CD1E: variants seen among roughly 807,000 people sequenced by gnomAD.
CD1E encodes CD1e molecule.
In CD1E, 49 loss-of-function variants were observed where a neutral mutation model predicts 40.1. The ratio of observed to expected loss-of-function variants is 1.22; its 90% CI spans 0.97 to 1.55. The LOEUF is 1.55. CD1E is among the 40% of genes most tolerant of loss of function. CD1E has a pLI of 0.00. For synonymous variants in CD1E, 189 were observed against 178.3 expected, an observed-to-expected ratio of 1.06 and a Z score of -0.48; for missense variants, 492 against 471.3, an observed-to-expected ratio of 1.04 and a Z score of -0.41.
At chr1:158,356,138 A>G (rs1266756512) in intron 4 of CD1E, 33 bp downstream of exon 4, 1 of 1,611,026 alleles carries the variant, frequency 6.2e-7, no homozygotes, top group Admixed American at 1.7e-5. Context: ...CTGGGAAATA[A>G]TGAAAATAGC....
intron 1 of CD1E, 93 bp downstream of exon 1, chr1:158,354,139 T>G (rs892733290): frequency 1.8e-6 from 2 of 1,100,222 alleles, no homozygotes; most frequent in Non-Finnish European, 2.8e-6. Context: ...GGAGCAGTAC[T>G]CTTCTAGGAT....
Position 158,354,462 on chromosome 1 carries a change from C to T in CD1E, c.144C>T (p.His48=). The part of the protein sequence containing the change: ...RMLQTSSFAN[H]SWAHSEGSGW... ...TCCAAACTTCCTCCTTTGCCAACCA[C>T]AGCTGGGCACACAGTGAGGGCTCAG... The change falls in exon 2 of 6, where the codon CAC becomes CAT. Residue 48 remains histidine, a synonymous_variant. Transcript: ENST00000368167. The T allele has an allele frequency of 6.2e-7, 1 of 1,614,116 alleles. No individual in the cohort carries two copies. The highest frequency in any genetic ancestry group is 8.5e-7 in the Non-Finnish European group (1 of 1,179,998).
rs1014042393 is a variant in CD1E, at chr1:158,354,786, A to C, written c.355+113A>C. 22 of 881,616 alleles carry C rather than the reference A, an allele frequency of 2.5e-5. 1 individual carries two copies. In the Middle Eastern group the frequency reaches 8.3e-4, roughly 33 times the overall value. 54.6% of individuals were successfully genotyped at this position (881,616 alleles called of 1,614,324 possible). A position where few individuals can be genotyped will look rare whatever the true frequency, so the allele number is the denominator to read the frequency against. ...TTTAACCTTACTAACCTTGTTCCCC[A>C]CTCTCTGACTCCCACTCCCTCCTCT... On this transcript the variant is annotated intron_variant, in intron 2 of 5. Transcript: ENST00000368167.
In CD1E at chr1:158,354,374, C is replaced by T. The variant is rs1653348853; in HGVS notation, c.59-3C>T. 1 of 1,583,394 alleles carries T rather than the reference C, an allele frequency of 6.3e-7. No homozygotes were observed. Among genetic ancestry groups the T allele is most frequent in the East Asian group, 2.2e-5 (1 of 44,542 alleles). ...CTCTACTTGTCATTTCCCTCTCTCT[C>T]AGCTCCCCAGGCTCTACAATCCTAT... On this transcript the variant is annotated splice_polypyrimidine_tract_variant and splice_region_variant and intron_variant, in intron 1 of 5. Coordinates refer to ENST00000368167, the MANE Select transcript of CD1E (RefSeq NM_030893.4).
rs150649106 is a variant in CD1E at position 158,355,948 on chromosome 1, G to T, written c.747G>T (p.Gln249His). The T allele has an allele frequency of 1.9e-6, 3 of 1,614,158 alleles. No homozygotes were observed. The highest frequency in any genetic ancestry group is 2.5e-6 in the Non-Finnish European group (3 of 1,180,046). ...PVWVMWMRGEQEQRGTQRGDV... is the reference protein window; with the variant it reads ...PVWVMWMRGEHEQRGTQRGDV... ...GGGTGATGTGGATGCGGGGTGAGCAGGAGCAGCGGGGCACTCAGCGAGGGG... is the reference window on the plus strand; with the variant it reads ...GGGTGATGTGGATGCGGGGTGAGCATGAGCAGCGGGGCACTCAGCGAGGGG... The change falls in exon 4 of 6, where the codon CAG becomes CAT. Residue 249 changes from glutamine to histidine, a missense_variant. Transcript: ENST00000368167.
chr1:158,354,799 C>T (rs1338386943), intron 2 of CD1E, 126 bp downstream of exon 2: 1 of 794,266 alleles, frequency 1.3e-6, no homozygotes, highest in Non-Finnish European at 2.0e-6. Flanking sequence ...CTCTGACTCC[C>T]ACTCCCTCCT....
At chr1:158,354,132 G>A (rs1653311559) in intron 1 of CD1E, 86 bp downstream of exon 1, 3 of 1,189,616 alleles carry the variant, frequency 2.5e-6, no homozygotes, top group East Asian at 2.3e-5. Flanking sequence ...GGGGAAGGGA[G>A]CAGTACTCTT....
In CD1E at chr1:158,356,724, A is replaced by G; in HGVS notation, c.999-4A>G. On this transcript the variant is annotated splice_region_variant and splice_polypyrimidine_tract_variant and intron_variant, in intron 5 of 5. Transcript: ENST00000368167. ...GAGATTAATATCCTCCTCTTTTCCC[A>G]CAGTTCAAATAAGAACATTCTTTCT... is the stretch of plus-strand genomic sequence containing the variant. 6.2e-7 allele frequency: 1 copy of G among 1,609,548 alleles called. No individual in the cohort carries two copies. The highest frequency in any genetic ancestry group is 8.5e-7 in the Non-Finnish European group (1 of 1,179,012).
chr1:158,356,151 T>G, intron 4 of CD1E, 46 bp downstream of exon 4: 2 of 1,602,042 alleles, frequency 1.2e-6, no homozygotes, highest in Non-Finnish European at 1.7e-6. Context: ...AAAATAGCCC[T>G]GGGGCTTTTG....
At chr1:158,355,153 TTTTCTTCC>T in intron 2 of CD1E, 139 bp from the exon 3 acceptor site, 1 of 653,590 alleles carries the variant, frequency 1.5e-6, no homozygotes, top group South Asian at 2.1e-5. Flanking sequence ...TTCCCACAAA[TTTTCTTCC>T]CCTTTGCCAG....
In CD1E at chr1:158,355,542, G is replaced by C; in HGVS notation, c.598G>C (p.Ala200Pro). ...CPRFLAGLME[A>P]GESELKRKVK... is the part of the protein sequence containing the mutation. ...TCGATTTCTAGCGGGGCTCATGGAA[G>C]CAGGGGAGTCAGAACTGAAACGGAA... The change falls in exon 3 of 6, where the codon GCA becomes CCA. Residue 200 changes from alanine to proline, a missense_variant. Ala to Pro is a conservative substitution (Grantham distance 27). Coordinates refer to ENST00000368167, the MANE Select transcript of CD1E (RefSeq NM_030893.4). The C allele has an allele frequency of 1.2e-6, 2 of 1,614,062 alleles. No homozygotes were observed. The highest frequency in any genetic ancestry group is 1.7e-6 in the Non-Finnish European group (2 of 1,179,970).
Position 158,355,916 on chromosome 1 carries a change from C to T in CD1E, c.715C>T (p.Pro239Ser). The T allele has an allele frequency of 6.2e-7, 1 of 1,614,142 alleles. No individual in the cohort carries two copies. The highest frequency in any genetic ancestry group is 1.1e-5 in the South Asian group (1 of 91,066). The part of the protein sequence containing the change: ...VCHVSGFYPK[P>S]VWVMWMRGEQ... ...CCATGTCTCAGGATTCTACCCAAAG[C>T]CCGTGTGGGTGATGTGGATGCGGGG... The change falls in exon 4 of 6, where the codon CCC (proline) becomes TCC (serine). Residue 239 changes from proline (P) to serine (S), a missense_variant. Transcript: ENST00000368167.
In CD1E at chr1:158,357,005, A is replaced by G. The variant is rs1343215210; in HGVS notation, c.*109A>G. On this transcript the variant is annotated 3_prime_UTR_variant, in exon 6 of 6. Coordinates refer to ENST00000368167, the MANE Select transcript of CD1E (RefSeq NM_030893.4). ...TTAAACAGTTTATACTAGCAAAGATACTGACCCCTTTAGGAATACTTTTTC... is the reference window on the plus strand; with the variant it reads ...TTAAACAGTTTATACTAGCAAAGATGCTGACCCCTTTAGGAATACTTTTTC... 10 of 869,324 alleles carry G rather than the reference A, an allele frequency of 1.2e-5. No homozygotes were observed. The African/African-American group carries it at 1.7e-4, about 15-fold the overall frequency. 53.9% of individuals were successfully genotyped at this position (869,324 alleles called of 1,614,324 possible).
chr1:158,356,603 C>T lies in CD1E; in HGVS notation c.998+12C>T, dbSNP rs1205534454. On this transcript the variant is annotated intron_variant, in intron 5 of 5. Transcript: ENST00000368167. Reference sequence around the variant, plus strand: ...TTAAAAAAACAGAGGTGAGCTTTTTCTTGTTCTTTGTTTCTTCAGCCTGTA... The same window carrying T: ...TTAAAAAAACAGAGGTGAGCTTTTTTTTGTTCTTTGTTTCTTCAGCCTGTA... The T allele has an allele frequency of 1.2e-6, 2 of 1,608,636 alleles. No individual in the cohort carries two copies. The highest frequency in any genetic ancestry group is 4.5e-5 in the East Asian group (2 of 44,836).
intron 5 of CD1E, 35 bp downstream of exon 5, chr1:158,356,626 G>A (rs371970065): frequency 3.5e-5 from 55 of 1,591,230 alleles, no homozygotes; most frequent in Non-Finnish European, 4.6e-5. Flanking sequence ...TCTTCAGCCT[G>A]TAATCAATTC....
chr1:158,354,757 A>G (rs1571213758), intron 2 of CD1E, 84 bp downstream of exon 2: 2 of 1,223,390 alleles, frequency 1.6e-6, no homozygotes, highest in Non-Finnish European at 1.2e-6. Flanking sequence ...GACTCTGACC[A>G]TCATTTAACC....
Position 158,356,080 on chromosome 1 carries a change from G to A in CD1E, c.879G>A (p.Gly293=), listed in dbSNP as rs372326686. The A allele has an allele frequency of 4.3e-6, 7 of 1,613,766 alleles. No individual in the cohort carries two copies. Among genetic ancestry groups the A allele is most frequent in the Admixed American group, 3.3e-5 (2 of 59,982 alleles). The change falls in exon 4 of 6, where the codon GGG becomes GGA. Residue 293 remains glycine (G), a synonymous_variant. Transcript: ENST00000368167. ...GTCGGGTGAAACACAGCAGTCTAGG[G>A]GGCCATGATCTAATCATCCATTGGG... ...LSCRVKHSSL[G]GHDLIIHWGG...
In CD1E at chr1:158,357,132, G is replaced by T. The variant is rs149274495; in HGVS notation, c.*236G>T. ...ATACTTCTTTTTCATGGATTCCCGAGATCACCCAATTGATAGCTCTTCTGT... is the reference window on the plus strand; with the variant it reads ...ATACTTCTTTTTCATGGATTCCCGATATCACCCAATTGATAGCTCTTCTGT... On this transcript the variant is annotated 3_prime_UTR_variant, in exon 6 of 6. Transcript: ENST00000368167. 32 of 433,316 alleles carry T rather than the reference G, an allele frequency of 7.4e-5. No individual in the cohort carries two copies. Among genetic ancestry groups the T allele is most frequent in the African/African-American group, 4.0e-4 (20 of 50,298 alleles). 26.8% of individuals were successfully genotyped at this position (433,316 alleles called of 1,614,324 possible).
chr1:158,355,485 A>T lies in CD1E; in HGVS notation c.541A>T (p.Ile181Leu). 6.2e-7 allele frequency: 1 copy of T among 1,614,214 alleles called. No individual in the cohort carries two copies. The highest frequency in any genetic ancestry group is 8.5e-7 in the Non-Finnish European group (1 of 1,180,030). ...VLNRYLDIKE[I>L]LQSLLGHTCP... is the part of the protein sequence containing the mutation. ...CAATCGCTACCTAGATATTAAGGAA[A>T]TACTGCAAAGCCTTCTTGGTCACAC... is the stretch of plus-strand genomic sequence containing the variant. The change falls in exon 3 of 6, where the codon ATA becomes TTA. Residue 181 changes from isoleucine to leucine, a missense_variant. Physicochemically the swap from Ile to Leu is conservative, Grantham distance 5. Transcript: ENST00000368167.
Sources: gnomAD v4.1 joint callset for allele counts on GRCh38, gnomAD v4.1.1 for gene constraint, MANE v1.5 for transcripts, NCBI Gene and HGNC (gene_info 2026-07-23, HGNC 2026-07-21) for gene names.